KDM2B: variants seen among roughly 807,000 people sequenced by gnomAD.
KDM2B encodes lysine-specific demethylase 2B.
In KDM2B, 26 loss-of-function variants were observed where a neutral mutation model predicts 150.0. That is an observed-to-expected ratio of 0.17 (90% CI 0.13 to 0.24). The LOEUF (loss-of-function observed/expected upper bound fraction) is 0.24, where lower values mean the gene tolerates loss of function less well. Among genes scored for constraint, KDM2B ranks in the 10% least tolerant of loss-of-function variants. The probability of loss-of-function intolerance (pLI) is 1.00; values close to 1 mark genes in which losing one functional copy is unlikely to be tolerated. For missense variants in KDM2B, 1,265 were observed against 1,816.9 expected (o/e 0.70, Z 5.52); for synonymous variants, 734 against 729.5 (o/e 1.01, Z -0.10).
Position 121,549,485 on chromosome 12 carries a change from T to C in KDM2B, c.551A>G (p.Glu184Gly). The change falls in exon 5 of 23, where the codon GAG (glutamate) becomes GGG (glycine). Residue 184 changes from glutamate (E) to glycine (G), a missense_variant. Glu to Gly is a moderately conservative substitution (Grantham distance 98). Transcript: ENST00000377071. This position sits in a 1 kb window ranked among gnomAD's most constrained non-coding sequence, Gnocchi z 4.4. ...CACAGTCGGACGCTTGACCAAGTGC[T>C]CCAGCTTGGTGTGGCTGAACTCTAG... Reference protein sequence around the residue: ...ISLEFSHTKLEHLVKRPTVVD... With the variant: ...ISLEFSHTKLGHLVKRPTVVD... The C allele has an allele frequency of 6.2e-7, 1 of 1,606,370 alleles. No homozygotes were observed. The highest frequency in any genetic ancestry group is 2.2e-5 in the East Asian group (1 of 44,596).
intron 8 of KDM2B, among the ~76,000 whole-genome samples, chr12:121,522,587 C>A (rs547532762): frequency 1.3e-5 from 2 of 151,530 alleles, no homozygotes; most frequent in African/African-American, 4.9e-5. Context: ...GTGGCTCATG[C>A]CTATAATCCC....
intron 11 of KDM2B, among the ~76,000 whole-genome samples, chr12:121,502,599 C>A (rs1461863201): frequency 6.6e-6 from 1 of 151,122 alleles, no homozygotes; most frequent in Admixed American, 6.6e-5. Context: ...CCAGCCTGGG[C>A]AACAGAGAGA....
intron 1 of KDM2B, chr12:121,580,097 C>T (rs1555317682): frequency 6.3e-7 from 1 of 1,582,816 alleles, no homozygotes; most frequent in Non-Finnish European, 8.5e-7. Context: ...CTCCTGCCCC[C>T]TGCATTTTGG....
chr12:121,491,020 A>G (rs2140281561), intron 12 of KDM2B, among the ~76,000 whole-genome samples: 1 of 152,264 alleles, frequency 6.6e-6, no homozygotes, highest in South Asian at 2.1e-4. Flanking sequence ...CTGGGAACCC[A>G]GAGACCCCGG....
At chr12:121,439,820 G>T in intron 22 of KDM2B, 37 bp downstream of exon 22, 6 of 1,481,156 alleles carry the variant, frequency 4.1e-6, no homozygotes, top group Non-Finnish European at 5.7e-6. Context: ...TTCTCCCACG[G>T]AGTGTTAGGC....
At chr12:121,571,195 A>G (rs1461594656) in intron 4 of KDM2B, among the ~76,000 whole-genome samples, 2 of 152,214 alleles carry the variant, frequency 1.3e-5, no homozygotes, top group African/African-American at 4.8e-5. Context: ...CGATGGGGGA[A>G]TTGATACAGT....
chr12:121,475,110 G>A (rs1881202617), intron 12 of KDM2B, among the ~76,000 whole-genome samples: 1 of 151,562 alleles, frequency 6.6e-6, no homozygotes, highest in Non-Finnish European at 1.5e-5. Flanking sequence ...TTTGTATAAG[G>A]ACATTCTATG....
At chr12:121,441,800 C>T (rs2138050125) in intron 19 of KDM2B, among the ~76,000 whole-genome samples, 1 of 152,258 alleles carries the variant, frequency 6.6e-6, no homozygotes, top group South Asian at 2.1e-4. Context: ...ATGAAGCTGG[C>T]GTCATGCCCG....
chr12:121,524,659 G>A lies in KDM2B; in HGVS notation c.932-3559C>T, dbSNP rs879986758. 4.7e-4 allele frequency: 211 copies of A among 450,730 alleles called. No individual in the cohort carries two copies. The Admixed American group carries it at 4.8e-3, about 10-fold the overall frequency. 27.9% of individuals were successfully genotyped at this position (450,730 alleles called of 1,614,324 possible). On this transcript the variant is annotated intron_variant, in intron 8 of 22. Transcript: ENST00000377071. ...AGGAGGTGTGGAAATAACAGCGTTT[G>A]TGGGCCCCATCCATACCCCTCCTCC...
At chr12:121,574,698 C>T in intron 3 of KDM2B, 105 bp from the exon 4 acceptor site, 1 of 1,037,384 alleles carries the variant, frequency 9.6e-7, no homozygotes, top group South Asian at 1.4e-5. Context: ...ATCCTTTCCC[C>T]TCAGTTTGGG....
At chr12:121,552,685 A>C (rs1889593753) in intron 4 of KDM2B, among the ~76,000 whole-genome samples, 1 of 151,162 alleles carries the variant, frequency 6.6e-6, no homozygotes, top group Non-Finnish European at 1.5e-5. Flanking sequence ...TTAAAAAAAA[A>C]AAAAAAAAAG....
chr12:121,484,469 G>A (rs905815720), intron 12 of KDM2B, among the ~76,000 whole-genome samples: 3 of 152,172 alleles, frequency 2.0e-5, no homozygotes, highest in African/African-American at 7.2e-5. Flanking sequence ...ACGGCACAGC[G>A]ACAGATGGCG....
At chr12:121,573,126 A>ATTTT (rs561026873) in intron 4 of KDM2B, among the ~76,000 whole-genome samples, 1 of 134,466 alleles carries the variant, frequency 7.4e-6, no homozygotes, top group African/African-American at 2.8e-5. Flanking sequence ...GCCCGGCCTA[A>ATTTT]TTTTTTTTTT....
chr12:121,559,597 G>C (rs1179474154), intron 4 of KDM2B, among the ~76,000 whole-genome samples: 2 of 152,030 alleles, frequency 1.3e-5, no homozygotes, highest in Admixed American at 6.6e-5. Context: ...GAGTGAAAGA[G>C]ACTTAAAATG....
At chr12:121,433,641 A>C (rs560563968) in intron 22 of KDM2B, among the ~76,000 whole-genome samples, 1 of 152,386 alleles carries the variant, frequency 6.6e-6, no homozygotes, top group East Asian at 1.9e-4. Context: ...TCAGCTCAGC[A>C]CTACCCACAG....
At chr12:121,445,525 A>T in intron 13 of KDM2B, 107 bp from the exon 14 acceptor site, 1 of 1,191,858 alleles carries the variant, frequency 8.4e-7, no homozygotes, top group Non-Finnish European at 1.1e-6. Flanking sequence ...CTGCCAGGAG[A>T]CCCCCGGAAA....
At chr12:121,552,149 T>A (rs1256791675) in intron 4 of KDM2B, among the ~76,000 whole-genome samples, 1 of 152,144 alleles carries the variant, frequency 6.6e-6, no homozygotes, top group African/African-American at 2.4e-5. Flanking sequence ...GTTCTCTACA[T>A]ATATTATCTT....
Position 121,442,856 on chromosome 12 carries a change from C to T in KDM2B, c.2605-20G>A, listed in dbSNP as rs1555288943. 1.1e-5 allele frequency: 17 copies of T among 1,517,190 alleles called. No homozygotes were observed. The highest frequency in any genetic ancestry group is 1.5e-5 in the Non-Finnish European group (17 of 1,137,582). The allele number at this position is 1,517,190 out of a possible 1,614,324, so 94.0% of individuals were successfully genotyped here. A position where few individuals can be genotyped will look rare whatever the true frequency, so the allele number is the denominator to read the frequency against. On this transcript the variant is annotated intron_variant, in intron 18 of 22. Transcript: ENST00000377071. The surrounding 1 kb of genome is among the most constrained non-coding windows in gnomAD (Gnocchi z 7.7). The stretch of plus-strand genomic sequence containing the variant: ...CCGCCGCTGAGGGCGAGAGCGGAGA[C>T]GCGTCAGCCTCTGGGGCTCAGGGCT...
intron 12 of KDM2B, among the ~76,000 whole-genome samples, chr12:121,466,951 C>T (rs1350829990): frequency 1.4e-5 from 2 of 148,102 alleles, no homozygotes; most frequent in East Asian, 2.0e-4. Context: ...CTCGGCCGCA[C>T]ACGCCCCCTG....
Sources: allele counts gnomAD v4.1 joint callset (sites outside exome capture counted in the v4.1 genomes callset), GRCh38; gene constraint gnomAD v4.1.1; non-coding constraint Gnocchi (gnomAD v3.1); transcripts MANE v1.5; gene names NCBI Gene and HGNC (gene_info 2026-07-23, HGNC 2026-07-21).